PDHA1: variants seen among roughly 807,000 people sequenced by gnomAD.
PDHA1 encodes the protein pyruvate dehydrogenase E1 component subunit alpha, somatic form, mitochondrial.
In PDHA1, 1 loss-of-function variant was observed where a neutral mutation model predicts 33.0. The ratio of observed to expected loss-of-function variants is 0.03; its 90% confidence interval spans 0.01 to 0.14. PDHA1 has a LOEUF of 0.14. PDHA1 is among the 10% of genes least tolerant of loss of function. The probability of loss-of-function intolerance (pLI) is 1.00; values close to 1 mark genes in which losing one functional copy is unlikely to be tolerated. For missense variants in PDHA1, 168 were observed against 325.1 expected, an observed-to-expected ratio of 0.52 and a Z score of 3.72; for synonymous variants, 123 against 119.2, an observed-to-expected ratio of 1.03 and a Z score of -0.21.
rs111666443 is a variant in PDHA1, at chrX:19,359,692, C to G, written c.*39C>G. On this transcript the variant is annotated 3_prime_UTR_variant, in exon 11 of 11. Coordinates refer to ENST00000422285, the MANE Select transcript of PDHA1 (RefSeq NM_000284.4). The stretch of plus-strand genomic sequence containing the variant: ...AGAGGTTATACCTTCAGGGGGCTAC[C>G]AGACAGTGTTCTCAACTTGGTTAAG... The G allele has an allele frequency of 3.0e-5, 34 of 1,126,086 alleles. No individual in the cohort carries two copies. In the South Asian group the frequency reaches 5.7e-4, roughly 19 times the overall value. The allele number at this position is 1,126,086 out of a possible 1,213,427, so 92.8% of individuals were successfully genotyped here. A position where few individuals can be genotyped will look rare whatever the true frequency, so the allele number is the denominator to read the frequency against.
At chrX:19,358,076 T>A (rs1194109863) in intron 9 of PDHA1, among the ~76,000 whole-genome samples, 1 of 112,265 alleles carries the variant, frequency 8.9e-6, no homozygotes, top group Non-Finnish European at 1.9e-5. Context: ...ATACTCTACC[T>A]GAAGAGGATC....
rs1602219657 is a variant in PDHA1 at position 19,344,102 on chromosome X, C to A, written c.57+8C>A. The A allele has an allele frequency of 1.7e-6, 2 of 1,196,691 alleles. No homozygotes were observed. The highest frequency in any genetic ancestry group is 2.3e-6 in the Non-Finnish European group (2 of 887,066). On this transcript the variant is annotated splice_region_variant and intron_variant, in intron 1 of 10. Transcript: ENST00000422285. The stretch of plus-strand genomic sequence containing the variant: ...GGCGCTTCTCAGAAGCCGGTGAGAC[C>A]TCCCGGGCGGGCCGGGATGGGGCGC...
At chrX:19,357,407 T>TTTGA in intron 8 of PDHA1, 2 of 400,818 alleles carry the variant, frequency 5.0e-6, no homozygotes, top group East Asian at 8.9e-5. Context: ...TCAAAGCCTT[T>TTTGA]TTGATTCAAA....
chrX:19,355,879 A>G, intron 8 of PDHA1, 122 bp downstream of exon 8: 2 of 563,515 alleles, frequency 3.5e-6, no homozygotes, highest in African/African-American at 2.2e-5. Flanking sequence ...AGATGGAAGC[A>G]GAGTGAAGGG....
chrX:19,355,830 C>A, intron 8 of PDHA1, 73 bp downstream of exon 8: 1 of 785,583 alleles, frequency 1.3e-6, no homozygotes. Flanking sequence ...CATGTGCCTG[C>A]TGAAGCTGTT....
At chrX:19,357,243 C>A in intron 8 of PDHA1, 2 of 220,383 alleles carry the variant, frequency 9.1e-6, no homozygotes, top group Non-Finnish European at 8.4e-6. Context: ...TACAGGCGCA[C>A]GCCACCATGC....
intron 7 of PDHA1, 57 bp downstream of exon 7, chrX:19,355,561 T>G: frequency 8.6e-7 from 1 of 1,161,054 alleles, no homozygotes; most frequent in East Asian, 3.0e-5. Flanking sequence ...TATGTCCTTG[T>G]GCAGACCCTT....
chrX:19,352,222 CTCCTT>C (rs1355059533), intron 4 of PDHA1, among the ~76,000 whole-genome samples: 2 of 92,236 alleles, frequency 2.2e-5, no homozygotes, highest in African/African-American at 1.1e-4. Context: ...CCTCCTCCTC[CTCCTT>C]TTTTTTTTTT....
At chrX:19,354,774 G>A (rs2063184403) in intron 6 of PDHA1, among the ~76,000 whole-genome samples, 191 bp downstream of exon 6, 1 of 112,837 alleles carries the variant, frequency 8.9e-6, no homozygotes, top group East Asian at 2.8e-4. Context: ...GAGACTTACG[G>A]GGGCACATTC....
chrX:19,351,699 C>T (rs1406937379), intron 4 of PDHA1, among the ~76,000 whole-genome samples: 2 of 109,571 alleles, frequency 1.8e-5, no homozygotes, highest in East Asian at 2.8e-4. Context: ...AAAGTAAGTT[C>T]GGTTGAAGCA....
chrX:19,358,818 C>T lies in PDHA1; in HGVS notation c.900-98C>T, dbSNP rs748074358. 4.1e-5 allele frequency: 23 copies of T among 559,839 alleles called. No homozygotes were observed. The South Asian group carries it at 4.9e-4, about 12-fold the overall frequency. 46.1% of individuals were successfully genotyped at this position (559,839 alleles called of 1,213,427 possible). A position where few individuals can be genotyped will look rare whatever the true frequency, so the allele number is the denominator to read the frequency against. Reference sequence around the variant, plus strand: ...AGAAACACACTTCTGTATTTCACCTCATTGGGACAATCCAACCCCATATCA... The same window carrying T: ...AGAAACACACTTCTGTATTTCACCTTATTGGGACAATCCAACCCCATATCA... On this transcript the variant is annotated intron_variant, in intron 9 of 10. Coordinates refer to ENST00000422285, the MANE Select transcript of PDHA1 (RefSeq NM_000284.4).
chrX:19,350,987 C>T (rs1357138768), intron 3 of PDHA1, among the ~76,000 whole-genome samples: 1 of 111,449 alleles, frequency 9.0e-6, no homozygotes, highest in African/African-American at 3.3e-5. Flanking sequence ...TAAGAGAAGG[C>T]GGAAGTCTGG....
At chrX:19,348,282 C>T (rs891517304) in intron 1 of PDHA1, among the ~76,000 whole-genome samples, 9 of 112,089 alleles carry the variant, frequency 8.0e-5, no homozygotes, top group Non-Finnish European at 1.7e-4. Context: ...TTTCTCACCC[C>T]CCGCCTCCAA....
At chrX:19,359,428 C>G (rs2063242353) in intron 10 of PDHA1, 61 bp from the exon 11 acceptor site, 8 of 982,716 alleles carry the variant, frequency 8.1e-6, no homozygotes, top group East Asian at 6.1e-5. Flanking sequence ...CAGCAGAACT[C>G]TAGTTGGTAC....
At position 19,361,428 on chromosome X, in the gene PDHA1, T is replaced by C; in HGVS notation, c.*1775T>C. ...CCTCTTCAACAATCTGAAACAAAGA[T>C]CAGATCCTTAAGAGCTGAGCAGCTG... On this transcript the variant is annotated 3_prime_UTR_variant, in exon 11 of 11. Coordinates refer to ENST00000422285, the MANE Select transcript of PDHA1 (RefSeq NM_000284.4). 8.3e-7 allele frequency: 1 copy of C among 1,201,048 alleles called. No individual in the cohort carries two copies. Among genetic ancestry groups the C allele is most frequent in the South Asian group, 1.8e-5 (1 of 56,403 alleles).
At position 19,361,370 on chromosome X, in the gene PDHA1, T is replaced by G. The variant is rs150957359; in HGVS notation, c.*1717T>G. ...CGAAGGTATCTTAGATCTTCCTTAG[T>G]GATCTCATTAAGAATATCCGAAAGT... On this transcript the variant is annotated 3_prime_UTR_variant, in exon 11 of 11. Transcript: ENST00000422285. 80 of 1,208,418 alleles carry G rather than the reference T, an allele frequency of 6.6e-5. No homozygotes were observed. Among genetic ancestry groups the G allele is most frequent in the Non-Finnish European group, 7.8e-5 (70 of 893,323 alleles).
Position 19,359,351 on chromosome X carries a change from T to G in PDHA1, c.1009-138T>G, listed in dbSNP as rs2063240606. ...ATAGATACACCCTAGAAATCTGTAT[T>G]CCAAAATCTTCTGAATTAGCAACTG... On this transcript the variant is annotated intron_variant, in intron 10 of 10. Transcript: ENST00000422285. 3 of 547,052 alleles carry G rather than the reference T, an allele frequency of 5.5e-6. No homozygotes were observed. The Admixed American group carries it at 7.7e-5, about 14-fold the overall frequency. 45.1% of individuals were successfully genotyped at this position (547,052 alleles called of 1,213,427 possible).
At chrX:19,354,308 C>T (rs2063181629) in intron 5 of PDHA1, among the ~76,000 whole-genome samples, 183 bp from the exon 6 acceptor site, 1 of 112,479 alleles carries the variant, frequency 8.9e-6, no homozygotes, top group African/African-American at 3.2e-5. Context: ...TTATATATTA[C>T]TTTAGTGCTT....
intron 10 of PDHA1, 125 bp from the exon 11 acceptor site, chrX:19,359,364 G>A (rs2063240923): frequency 5.2e-6 from 3 of 573,415 alleles, no homozygotes; most frequent in Admixed American, 4.9e-5. Flanking sequence ...AAAATCTTCT[G>A]AATTAGCAAC....
Sources: gnomAD v4.1 joint callset for allele counts (sites outside exome capture counted in the v4.1 genomes callset) on GRCh38, gnomAD v4.1.1 for gene constraint, MANE v1.5 for transcripts, NCBI Gene and HGNC (gene_info 2026-07-23, HGNC 2026-07-21) for gene names.